ZNF532: variants seen among roughly 807,000 people sequenced by gnomAD.
ZNF532 encodes the protein zinc finger protein 532.
A neutral mutation model predicts 89.3 loss-of-function variants in ZNF532; 22 were observed. That is an observed-to-expected ratio of 0.25 (90% CI 0.18 to 0.35). The LOEUF is 0.35. Among genes scored for constraint, ZNF532 ranks in the 10% least tolerant of loss-of-function variants. The pLI, the probability that ZNF532 is intolerant of heterozygous loss-of-function variation, is 1.00. For synonymous variants in ZNF532, 606 were observed against 649.6 expected (o/e 0.93, Z 1.02); for missense variants, 1,132 against 1,643.4 (o/e 0.69, Z 5.38).
Position 58,942,301 on chromosome 18 carries a change from C to T in ZNF532, c.2705+2680C>T, listed in dbSNP as rs888765350. Among the ~76,000 whole-genome samples, 163 of 144,096 alleles carry T rather than the reference C, an allele frequency of 1.1e-3. 2 individuals are homozygous for T. The highest frequency in any genetic ancestry group is 1.4e-3 in the Non-Finnish European group (92 of 66,170). The allele number at this position is 144,096 out of a possible 152,430, so 94.5% of individuals were successfully genotyped here. The stretch of plus-strand genomic sequence containing the variant: ...CCTCCCAAAGTGCTGGGATTACAGG[C>T]GTGAGCCACCGCGCCTGGCCCCTCC... On this transcript the variant is annotated intron_variant, in intron 5 of 9. Transcript: ENST00000591808.
At chr18:58,874,253 C>G (rs571661245) in intron 2 of ZNF532, among the ~76,000 whole-genome samples, 157 of 152,300 alleles carry the variant, frequency 1.0e-3, no homozygotes, top group African/African-American at 3.6e-3. Flanking sequence ...GTGAAGTAGA[C>G]ACAAGGGTAG....
intron 2 of ZNF532, among the ~76,000 whole-genome samples, chr18:58,885,044 A>T (rs1360252109): frequency 6.8e-6 from 1 of 146,442 alleles, no homozygotes; most frequent in Non-Finnish European, 1.5e-5. Flanking sequence ...GTTAGAGTTC[A>T]GTGGCATGAT....
Position 58,971,428 on chromosome 18 carries a change from C to G in ZNF532, c.3151-7627C>G, listed in dbSNP as rs1034860011. Reference sequence around the variant, plus strand: ...GTCTCAATCAGGGATCAGCAAACTGCGTTTCATGGGCCTGCCACCTGTTTT... The same window carrying G: ...GTCTCAATCAGGGATCAGCAAACTGGGTTTCATGGGCCTGCCACCTGTTTT... On this transcript the variant is annotated intron_variant, in intron 7 of 9. Transcript: ENST00000591808. 2.6e-5 allele frequency among the ~76,000 whole-genome samples: 4 copies of G among 152,208 alleles called. No homozygotes were observed. The East Asian group carries it at 5.8e-4, about 22-fold the overall frequency.
intron 2 of ZNF532, among the ~76,000 whole-genome samples, chr18:58,877,469 A>G (rs1210945140): frequency 1.3e-5 from 2 of 152,250 alleles, no homozygotes; most frequent in African/African-American, 4.8e-5. Context: ...CACATTGATT[A>G]AATCAGCTAT....
At position 58,984,151 on chromosome 18, in the gene ZNF532, A is replaced by G. The variant is rs1329253580; in HGVS notation, c.3591A>G (p.Lys1197=). 5 of 1,611,686 alleles carry G rather than the reference A, an allele frequency of 3.1e-6. No individual in the cohort carries two copies. Among genetic ancestry groups the G allele is most frequent in the African/African-American group, 2.7e-5 (2 of 74,872 alleles). ...TCCACGAACACATCCCTCAGCACAA[A>G]TCGGATGGTTCTTCCTACCAGTGCC... is the stretch of plus-strand genomic sequence containing the variant. The part of the protein sequence containing the change: ...LQFHEHIPQH[K]SDGSSYQCRE... Residue 1197 remains lysine (K), a synonymous_variant, in exon 10 of 10, where the codon AAA becomes AAG. Transcript: ENST00000591808.
Position 58,953,613 on chromosome 18 carries a change from T to G in ZNF532, c.2964T>G (p.Asn988Lys). 1.9e-6 allele frequency: 3 copies of G among 1,613,848 alleles called. No individual in the cohort carries two copies. The highest frequency in any genetic ancestry group is 2.5e-6 in the Non-Finnish European group (3 of 1,179,824). Residue 988 changes from asparagine to lysine, a missense_variant, in exon 7 of 10, where the codon AAT becomes AAG. Coordinates refer to ENST00000591808, the MANE Select transcript of ZNF532 (RefSeq NM_001375912.1). The stretch of plus-strand genomic sequence containing the variant: ...AGCCTGCAACTCAAAATTCAGCAAA[T>G]CAGAACAAAGAGGACACCAAATCCA... ...SIKPATQNSA[N>K]QNKEDTKSMN...
Position 58,974,134 on chromosome 18 carries a change from C to T in ZNF532, c.3151-4921C>T, listed in dbSNP as rs117300175. ...ATCTCAATAAGCTCAGTTTTTTTTGCGGTAAAATTTTTTTTGGATATGTGC... is the reference window on the plus strand; with the variant it reads ...ATCTCAATAAGCTCAGTTTTTTTTGTGGTAAAATTTTTTTTGGATATGTGC... On this transcript the variant is annotated intron_variant, in intron 7 of 9. Coordinates refer to ENST00000591808, the MANE Select transcript of ZNF532 (RefSeq NM_001375912.1). Among the ~76,000 whole-genome samples, 98 of 151,748 alleles carry T rather than the reference C, an allele frequency of 6.5e-4. 1 individual carries two copies. The East Asian group carries it at 0.015, about 24-fold the overall frequency.
chr18:58,961,030 A>G (rs1159596113), intron 7 of ZNF532, among the ~76,000 whole-genome samples: 4 of 152,232 alleles, frequency 2.6e-5, no homozygotes, highest in Non-Finnish European at 5.9e-5. Flanking sequence ...CTGATGTAGC[A>G]TTCATATCAA....
chr18:58,955,486 A>G (rs12455497), intron 7 of ZNF532, among the ~76,000 whole-genome samples: 86,836 of 152,050 alleles, frequency 0.57, 25,501 homozygotes, highest in African/African-American at 0.7. Flanking sequence ...GAGTACATAG[A>G]AATTGTTTTG....
chr18:58,981,828 C>T (rs76084836), intron 9 of ZNF532, among the ~76,000 whole-genome samples: 7,153 of 151,776 alleles, frequency 0.047, 675 homozygotes, highest in East Asian at 0.4. Context: ...CATGGTGTAA[C>T]CTCATCTCTA....
At chr18:58,968,796 GC>G (rs1156781252) in intron 7 of ZNF532, among the ~76,000 whole-genome samples, 1 of 152,226 alleles carries the variant, frequency 6.6e-6, no homozygotes, top group African/African-American at 2.4e-5. Flanking sequence ...CTACTGCAGT[GC>G]CTGGTGAGGC....
chr18:58,923,688 A>G (rs771890879), intron 3 of ZNF532, among the ~76,000 whole-genome samples: 1 of 152,180 alleles, frequency 6.6e-6, no homozygotes, highest in Non-Finnish European at 1.5e-5. Flanking sequence ...ACTGTTGGCC[A>G]GTTTACAGTT....
intron 7 of ZNF532, among the ~76,000 whole-genome samples, chr18:58,964,535 T>TTGTGTGTGTGTGTG (rs200298951): frequency 5.8e-5 from 8 of 138,554 alleles, no homozygotes; most frequent in Non-Finnish European, 1.1e-4. Context: ...GATATTTTGT[T>TTGTGTGTGTGTGTG]TGTGTGTGTG....
At chr18:58,883,694 G>A (rs1035015746) in intron 2 of ZNF532, among the ~76,000 whole-genome samples, 1 of 152,170 alleles carries the variant, frequency 6.6e-6, no homozygotes, top group African/African-American at 2.4e-5. Flanking sequence ...GATAATTCTT[G>A]GTTGTGGGGA....
chr18:58,943,922 G>A (rs929856851), intron 5 of ZNF532, among the ~76,000 whole-genome samples: 3 of 152,222 alleles, frequency 2.0e-5, no homozygotes, highest in African/African-American at 7.2e-5. Context: ...AGAGACAAGA[G>A]TTTTTGAACA....
intron 2 of ZNF532, among the ~76,000 whole-genome samples, chr18:58,914,447 C>T (rs953701552): frequency 5.3e-5 from 8 of 152,298 alleles, no homozygotes; most frequent in African/African-American, 1.7e-4. Context: ...TCTGGGAGGC[C>T]GCGGCGGGCG....
At chr18:58,907,323 T>C (rs1168772451) in intron 2 of ZNF532, among the ~76,000 whole-genome samples, 1 of 152,072 alleles carries the variant, frequency 6.6e-6, no homozygotes, top group East Asian at 1.9e-4. Context: ...GTAGCTGGGA[T>C]TACAGACGCG....
At chr18:58,956,449 G>T (rs1353072954) in intron 7 of ZNF532, among the ~76,000 whole-genome samples, 1 of 152,188 alleles carries the variant, frequency 6.6e-6, no homozygotes. Flanking sequence ...AATGAATGGT[G>T]TTGAGTGTGA....
intron 7 of ZNF532, among the ~76,000 whole-genome samples, chr18:58,976,798 G>A (rs2067109646): frequency 6.6e-6 from 1 of 152,146 alleles, no homozygotes; most frequent in Non-Finnish European, 1.5e-5. Flanking sequence ...TTACAGGCGT[G>A]AGCCACTGCG....
Sources: allele counts gnomAD v4.1 joint callset (sites outside exome capture counted in the v4.1 genomes callset), GRCh38; gene constraint gnomAD v4.1.1; transcripts MANE v1.5; gene names NCBI Gene and HGNC (gene_info 2026-07-23, HGNC 2026-07-21).